The following TLE1 variants were observed in gnomAD, a reference collection of about 807,000 sequenced individuals.
The protein encoded by TLE1 is TLE family member 1, transcriptional corepressor.
Under a neutral mutation model 89.8 loss-of-function variants are expected in TLE1, and 21 were observed. That is an observed-to-expected ratio of 0.23 (90% CI 0.17 to 0.34). TLE1 has a LOEUF of 0.34. TLE1 is among the 10% of genes least tolerant of loss of function. The pLI is 1.00. For missense variants in TLE1, 795 were observed against 1,031.2 expected, an observed-to-expected ratio of 0.77 and a Z score of 3.14; for synonymous variants, 447 against 407.6, an observed-to-expected ratio of 1.10 and a Z score of -1.16.
intron 4 of TLE1, among the ~76,000 whole-genome samples, chr9:81,679,039 T>C (rs1244728449): frequency 1.3e-5 from 2 of 152,022 alleles, no homozygotes; most frequent in Non-Finnish European, 2.9e-5. Context: ...TCCCAGCTAT[T>C]CCAGAGGCTG....
chr9:81,615,652 G>A (rs1311075975), intron 11 of TLE1, among the ~76,000 whole-genome samples: 23 of 149,984 alleles, frequency 1.5e-4, no homozygotes, highest in African/African-American at 4.5e-4. Flanking sequence ...GGCAGAGGCT[G>A]CAGTGAGCTG....
chr9:81,604,619 G>A (rs903396291), intron 14 of TLE1, among the ~76,000 whole-genome samples: 9 of 152,274 alleles, frequency 5.9e-5, no homozygotes, highest in Admixed American at 2.6e-4. Flanking sequence ...CCCATCCTTG[G>A]ACACGCACGG....
chr9:81,688,890 C>T lies in TLE1; in HGVS notation c.-650G>A. On this transcript the variant is annotated 5_prime_UTR_variant, in exon 1 of 20. Coordinates refer to ENST00000376499, the MANE Select transcript of TLE1 (RefSeq NM_005077.5). ...GCGGAGGCTCCTGGCCGGGGAGCGA[C>T]GGATGACGAGGCGGGGAAAGTGCGG... 6.6e-6 allele frequency: 1 copy of T among 152,464 alleles called. No individual in the cohort carries two copies. Among genetic ancestry groups the T allele is most frequent in the African/African-American group, 2.4e-5 (1 of 41,550 alleles). 9.4% of individuals were successfully genotyped at this position (152,464 alleles called of 1,614,324 possible).
chr9:81,591,498 T>C (rs926133681), intron 15 of TLE1, among the ~76,000 whole-genome samples: 4 of 152,180 alleles, frequency 2.6e-5, no homozygotes, highest in Non-Finnish European at 5.9e-5. Flanking sequence ...CCAGAGCTGC[T>C]TTCTCAAGTT....
chr9:81,646,573 C>T (rs183003559), intron 6 of TLE1, among the ~76,000 whole-genome samples: 3 of 152,230 alleles, frequency 2.0e-5, no homozygotes, highest in African/African-American at 7.2e-5. Context: ...GAATAAGAGG[C>T]CAACCTCATC....
chr9:81,640,316 C>T (rs932211992), intron 6 of TLE1, among the ~76,000 whole-genome samples: 3 of 151,934 alleles, frequency 2.0e-5, no homozygotes, highest in Non-Finnish European at 4.4e-5. Flanking sequence ...GTCCTTTCAT[C>T]GCCATCTGAG....
chr9:81,681,884 T>G (rs1833675186), intron 4 of TLE1, among the ~76,000 whole-genome samples: 1 of 152,110 alleles, frequency 6.6e-6, no homozygotes, highest in Non-Finnish European at 1.5e-5. Context: ...GAGTCAGAAC[T>G]GAAGAGGCAG....
intron 9 of TLE1, 31 bp downstream of exon 9, chr9:81,620,410 A>C (rs1422560472): frequency 1.9e-6 from 3 of 1,551,474 alleles, no homozygotes; most frequent in Non-Finnish European, 1.8e-6. Flanking sequence ...GTAAGCAAAC[A>C]AATATTATTT....
chr9:81,638,732 C>T (rs1228845383), intron 6 of TLE1, among the ~76,000 whole-genome samples: 1 of 151,920 alleles, frequency 6.6e-6, no homozygotes, highest in Non-Finnish European at 1.5e-5. Context: ...TCAAGCGATT[C>T]TCCTGCCTCA....
At chr9:81,635,082 G>C (rs1339537767) in intron 6 of TLE1, among the ~76,000 whole-genome samples, 2 of 152,164 alleles carry the variant, frequency 1.3e-5, no homozygotes, top group African/African-American at 4.8e-5. Flanking sequence ...AGGCAAGAGG[G>C]GACTGCAGTC....
intron 8 of TLE1, among the ~76,000 whole-genome samples, chr9:81,622,052 C>T (rs915308681): frequency 7.2e-5 from 11 of 152,160 alleles, no homozygotes; most frequent in African/African-American, 2.4e-4. Context: ...GATACATGTC[C>T]GCTAAAAGCT....
chr9:81,605,476 T>A (rs1831515590), intron 14 of TLE1, among the ~76,000 whole-genome samples: 1 of 152,136 alleles, frequency 6.6e-6, no homozygotes, highest in African/African-American at 2.4e-5. Context: ...CCATAAATAG[T>A]TTGAGCAGCA....
intron 1 of TLE1, among the ~76,000 whole-genome samples, chr9:81,687,694 A>G (rs944832799): frequency 1.3e-5 from 2 of 151,904 alleles, no homozygotes; most frequent in African/African-American, 4.8e-5. Flanking sequence ...TCACCAGGCC[A>G]AAGGGAAGGG....
chr9:81,605,778 T>C (rs1389380992), intron 14 of TLE1, among the ~76,000 whole-genome samples: 1 of 151,830 alleles, frequency 6.6e-6, no homozygotes, highest in Non-Finnish European at 1.5e-5. Flanking sequence ...TGGGATCTAA[T>C]TAAACTAAAG....
chr9:81,681,995 T>C (rs928804001), intron 4 of TLE1, among the ~76,000 whole-genome samples: 2 of 151,780 alleles, frequency 1.3e-5, no homozygotes, highest in East Asian at 1.9e-4. Flanking sequence ...CCTGTAATCC[T>C]AGCACTTTGG....
At chr9:81,646,878 T>G (rs1828922993) in intron 6 of TLE1, among the ~76,000 whole-genome samples, 1 of 152,224 alleles carries the variant, frequency 6.6e-6, no homozygotes, top group Non-Finnish European at 1.5e-5. Flanking sequence ...ATCAGATATT[T>G]GCCTATGGAG....
chr9:81,588,829 G>A (rs989525234), intron 16 of TLE1, among the ~76,000 whole-genome samples: 1 of 152,162 alleles, frequency 6.6e-6, no homozygotes, highest in Non-Finnish European at 1.5e-5. Flanking sequence ...TTTCAACACT[G>A]AGAAGAAAGT....
At chr9:81,667,677 C>T (rs1033447006) in intron 4 of TLE1, among the ~76,000 whole-genome samples, 1 of 151,806 alleles carries the variant, frequency 6.6e-6, no homozygotes, top group Non-Finnish European at 1.5e-5. Context: ...AGTGCTGAAA[C>T]TTCAGCGGGG....
intron 6 of TLE1, among the ~76,000 whole-genome samples, chr9:81,644,649 G>C (rs909502280): frequency 6.6e-6 from 1 of 152,114 alleles, no homozygotes; most frequent in Non-Finnish European, 1.5e-5. Flanking sequence ...AGTCGTGATG[G>C]TTGTACAGCA....
Sources: allele counts gnomAD v4.1 joint callset (sites outside exome capture counted in the v4.1 genomes callset), GRCh38; gene constraint gnomAD v4.1.1; transcripts MANE v1.5; gene names NCBI Gene and HGNC (gene_info 2026-07-23, HGNC 2026-07-21).